Variants in ADAMTSL3 observed in about 807,000 individuals in gnomAD.
ADAMTSL3 encodes the protein ADAMTS-like protein 3.
Under a neutral mutation model 201.7 loss-of-function variants are expected in ADAMTSL3, and 128 were observed. The observed-to-expected ratio is 0.63, with a 90% CI of 0.55 to 0.73. ADAMTSL3 has a LOEUF of 0.73. Ranked by LOEUF, ADAMTSL3 falls within the 30% of genes least tolerant of loss-of-function variation. The pLI is 0.00. For missense variants in ADAMTSL3, 1,990 were observed against 2,119.6 expected (o/e 0.94, Z 1.20); for synonymous variants, 738 against 748.4 (o/e 0.99, Z 0.23).
chr15:83,891,509 CT>C, intron 12 of ADAMTSL3, 130 bp downstream of exon 12: 1 of 711,006 alleles, frequency 1.4e-6, no homozygotes. Context: ...GGAAAACAGA[CT>C]TCTACTCAAT....
chr15:83,873,878 C>T (rs988673275), intron 9 of ADAMTSL3, among the ~76,000 whole-genome samples: 2 of 145,578 alleles, frequency 1.4e-5, no homozygotes, highest in South Asian at 2.1e-4. Flanking sequence ...CATTCATGCT[C>T]ATCTTTTCAT....
chr15:83,888,177 G>A (rs2065433946), intron 10 of ADAMTSL3, among the ~76,000 whole-genome samples: 1 of 152,198 alleles, frequency 6.6e-6, no homozygotes, highest in Non-Finnish European at 1.5e-5. Flanking sequence ...AGAACAGAAG[G>A]GAGATTTTAG....
intron 2 of ADAMTSL3, among the ~76,000 whole-genome samples, chr15:83,686,952 G>A (rs1393140173): frequency 6.6e-6 from 1 of 152,134 alleles, no homozygotes. Context: ...GTGCTTTGAG[G>A]GGCTGAGGTA....
At chr15:83,709,095 C>A (rs1596065631) in intron 3 of ADAMTSL3, among the ~76,000 whole-genome samples, 1 of 152,258 alleles carries the variant, frequency 6.6e-6, no homozygotes, top group African/African-American at 2.4e-5. Flanking sequence ...TCTTAATAGA[C>A]CCCAGAGATT....
intron 9 of ADAMTSL3, among the ~76,000 whole-genome samples, chr15:83,881,513 C>A (rs1433922902): frequency 6.6e-6 from 1 of 152,206 alleles, no homozygotes; most frequent in Non-Finnish European, 1.5e-5. Context: ...CTTAGTCCTG[C>A]AAATCCTCAC....
chr15:83,667,906 G>A (rs1459809128), intron 2 of ADAMTSL3, among the ~76,000 whole-genome samples: 4 of 152,094 alleles, frequency 2.6e-5, no homozygotes, highest in Non-Finnish European at 5.9e-5. Context: ...TAGGTTAGGG[G>A]CTCTCTTGAG....
At chr15:83,714,861 C>CTTTCTTT in intron 3 of ADAMTSL3, among the ~76,000 whole-genome samples, 1 of 38,884 alleles carries the variant, frequency 2.6e-5, no homozygotes, top group Admixed American at 3.2e-4. Flanking sequence ...TCCCTCCCTC[C>CTTTCTTT]CTCCCTCCCT....
rs141073221 is a variant in ADAMTSL3 at position 83,702,805 on chromosome 15, G to A, written c.70-1584G>A. Among the ~76,000 whole-genome samples the A allele has an allele frequency of 4.5e-3, 680 of 152,292 alleles. 3 individuals are homozygous for A. Among genetic ancestry groups the A allele is most frequent in the Non-Finnish European group, 6.8e-3 (460 of 68,026 alleles). On this transcript the variant is annotated intron_variant, in intron 2 of 29. Coordinates refer to ENST00000286744, the MANE Select transcript of ADAMTSL3 (RefSeq NM_207517.3). Reference sequence around the variant, plus strand: ...CAGTACGGAAGGGAAATGTGGGGTCGGAGCCCCCATACAGAGTTCCTACTG... The same window carrying A: ...CAGTACGGAAGGGAAATGTGGGGTCAGAGCCCCCATACAGAGTTCCTACTG...
At chr15:83,697,443 C>T (rs28664943) in intron 2 of ADAMTSL3, among the ~76,000 whole-genome samples, 10,730 of 152,142 alleles carry the variant, frequency 0.071, 441 homozygotes, top group East Asian at 0.14. Context: ...GCCCTTCACA[C>T]GCCAATCTCA....
At chr15:83,837,236 C>A (rs1037902091) in intron 6 of ADAMTSL3, among the ~76,000 whole-genome samples, 1 of 149,946 alleles carries the variant, frequency 6.7e-6, no homozygotes, top group Non-Finnish European at 1.5e-5. Flanking sequence ...ATAGGTACAG[C>A]TAATGATAAA....
chr15:83,696,438 T>TAA (rs2061689660), intron 2 of ADAMTSL3, among the ~76,000 whole-genome samples: 1 of 152,348 alleles, frequency 6.6e-6, no homozygotes, highest in Admixed American at 6.5e-5. Context: ...ACAGTGACCT[T>TAA]ACATGGTGTC....
At chr15:83,806,451 T>G (rs2063603866) in intron 5 of ADAMTSL3, among the ~76,000 whole-genome samples, 2 of 152,202 alleles carry the variant, frequency 1.3e-5, no homozygotes, top group African/African-American at 4.8e-5. Flanking sequence ...GAATTCACAC[T>G]ACTCAACTGA....
intron 2 of ADAMTSL3, among the ~76,000 whole-genome samples, chr15:83,679,936 C>T (rs1300560431): frequency 6.6e-6 from 1 of 152,180 alleles, no homozygotes; most frequent in African/African-American, 2.4e-5. Context: ...CTGACTTGGT[C>T]TTTGCTGACA....
At chr15:83,770,352 G>A (rs1165319574) in intron 3 of ADAMTSL3, among the ~76,000 whole-genome samples, 1 of 152,144 alleles carries the variant, frequency 6.6e-6, no homozygotes, top group Non-Finnish European at 1.5e-5. Context: ...TTCAGTTGAA[G>A]TTCATTTCCT....
intron 4 of ADAMTSL3, among the ~76,000 whole-genome samples, chr15:83,781,020 T>C (rs1283581987): frequency 2.0e-5 from 3 of 152,170 alleles, no homozygotes; most frequent in Non-Finnish European, 4.4e-5. Context: ...ATTGTTAAAA[T>C]GGCCATACTG....
At chr15:84,018,640 C>T (rs2141904794) in intron 25 of ADAMTSL3, among the ~76,000 whole-genome samples, 1 of 152,032 alleles carries the variant, frequency 6.6e-6, no homozygotes, top group African/African-American at 2.4e-5. Flanking sequence ...TTAATGTGGC[C>T]TCAGAATGGA....
chr15:83,829,380 T>A (rs1171388950), intron 6 of ADAMTSL3, among the ~76,000 whole-genome samples: 1 of 152,218 alleles, frequency 6.6e-6, no homozygotes, highest in Non-Finnish European at 1.5e-5. Flanking sequence ...ATATCCCCTT[T>A]ATCATTTTTT....
chr15:83,942,813 G>A (rs1051630574), intron 18 of ADAMTSL3, 25 bp downstream of exon 18: 2 of 1,609,872 alleles, frequency 1.2e-6, no homozygotes, highest in African/African-American at 2.7e-5. Context: ...CCACTCCAGG[G>A]CCCTCTGTGA....
At chr15:83,699,126 A>ACATT (rs2061730395) in intron 2 of ADAMTSL3, among the ~76,000 whole-genome samples, 1 of 152,106 alleles carries the variant, frequency 6.6e-6, no homozygotes, top group Admixed American at 6.6e-5. Context: ...ATACATACAT[A>ACATT]CATTATGAAA....
Sources: gnomAD v4.1 joint callset for allele counts (sites outside exome capture counted in the v4.1 genomes callset) on GRCh38, gnomAD v4.1.1 for gene constraint, MANE v1.5 for transcripts, NCBI Gene and HGNC (gene_info 2026-07-23, HGNC 2026-07-21) for gene names.